Variants in SPAG9 observed in about 807,000 individuals in gnomAD.
SPAG9 encodes C-Jun-amino-terminal kinase-interacting protein 4.
In SPAG9, 35 loss-of-function variants were observed where a neutral mutation model predicts 166.5. That is an observed-to-expected ratio of 0.21 (90% CI 0.16 to 0.28). SPAG9 has a LOEUF of 0.28. Among genes scored for constraint, SPAG9 ranks in the 10% least tolerant of loss-of-function variants. SPAG9 has a pLI of 1.00. For synonymous variants in SPAG9, 534 were observed against 565.5 expected, an observed-to-expected ratio of 0.94 and a Z score of 0.79; for missense variants, 1,235 against 1,603.3, an observed-to-expected ratio of 0.77 and a Z score of 3.92.
chr17:51,023,751 A>G (rs567846786), intron 6 of SPAG9, among the ~76,000 whole-genome samples: 1 of 152,054 alleles, frequency 6.6e-6, no homozygotes, highest in South Asian at 2.1e-4. Context: ...TGCAACCTCC[A>G]CCTTCCAGGC....
Position 51,021,165 on chromosome 17 carries a change from T to C in SPAG9, c.984A>G (p.Val328=), listed in dbSNP as rs772410287. The change falls in exon 7 of 30, where the codon GTA becomes GTG. Residue 328 remains valine, a synonymous_variant. Coordinates refer to ENST00000262013, the MANE Select transcript of SPAG9 (RefSeq NM_001130528.3). ...AGAACTAGGGTCACTCACCAGTAGA[T>C]ACATTTCTAGTTTCCTGGGCTACCT... The part of the protein sequence containing the change: ...EVQVAQETRN[V]STGSAENEEK... 3 of 1,613,442 alleles carry C rather than the reference T, an allele frequency of 1.9e-6. No homozygotes were observed. Among genetic ancestry groups the C allele is most frequent in the East Asian group, 2.2e-5 (1 of 44,870 alleles).
At chr17:50,979,596 C>T (rs1392969377) in intron 26 of SPAG9, 150 bp downstream of exon 26, 3 of 652,750 alleles carry the variant, frequency 4.6e-6, no homozygotes, top group Non-Finnish European at 7.5e-6. Flanking sequence ...CCCAGGAGTT[C>T]AAGGCTATAG....
At chr17:51,103,643 T>C (rs997738516) in intron 1 of SPAG9, among the ~76,000 whole-genome samples, 2 of 152,170 alleles carry the variant, frequency 1.3e-5, no homozygotes, top group African/African-American at 2.4e-5. Flanking sequence ...AAAGAGCAAC[T>C]GGCCAGGCAC....
At chr17:51,117,194 T>C (rs889492435) in intron 1 of SPAG9, among the ~76,000 whole-genome samples, 1 of 152,152 alleles carries the variant, frequency 6.6e-6, no homozygotes, top group African/African-American at 2.4e-5. Flanking sequence ...AATATAAAGA[T>C]TAAATTTTTG....
At chr17:51,004,622 C>T (rs1411850625) in intron 12 of SPAG9, among the ~76,000 whole-genome samples, 3 of 151,958 alleles carry the variant, frequency 2.0e-5, no homozygotes, top group Non-Finnish European at 4.4e-5. Context: ...CCCAGCTCCT[C>T]GGGAGGCTGA....
rs140639125 is a variant in SPAG9, at chr17:51,051,392, G to A, written c.496-3923C>T. Among the ~76,000 whole-genome samples, 393 of 152,300 alleles carry A rather than the reference G, an allele frequency of 2.6e-3. 3 individuals are homozygous for A. The highest frequency in any genetic ancestry group is 8.5e-3 in the African/African-American group (352 of 41,570). ...CAAAGTGCTGGGATAACAGGCGTGA[G>A]CCACTGCACTCGGCCAAGGTGTTAG... On this transcript the variant is annotated intron_variant, in intron 3 of 29. Coordinates refer to ENST00000262013, the MANE Select transcript of SPAG9 (RefSeq NM_001130528.3).
chr17:51,046,591 T>G, intron 4 of SPAG9: 1 of 1,536,090 alleles, frequency 6.5e-7, no homozygotes, highest in East Asian at 2.4e-5. Context: ...GATACTAAGA[T>G]AGCAGAATTA....
At position 50,986,996 on chromosome 17, in the gene SPAG9, A is replaced by C. The variant is rs529804519; in HGVS notation, c.2939+116T>G. ...TAACATCAAATTGTGTGTATATATA[A>C]AATTCTTTGCATTAATCCACACTTT... On this transcript the variant is annotated intron_variant, in intron 22 of 29. Coordinates refer to ENST00000262013, the MANE Select transcript of SPAG9 (RefSeq NM_001130528.3). 19 of 1,008,932 alleles carry C rather than the reference A, an allele frequency of 1.9e-5. No homozygotes were observed. The African/African-American group carries it at 2.8e-4, about 15-fold the overall frequency. 62.5% of individuals were successfully genotyped at this position (1,008,932 alleles called of 1,614,324 possible).
intron 16 of SPAG9, 181 bp from the exon 17 acceptor site, chr17:50,995,714 T>C (rs1389587921): frequency 7.1e-6 from 4 of 566,016 alleles, no homozygotes; most frequent in Non-Finnish European, 1.2e-5. Flanking sequence ...CAGGCTAGAG[T>C]GCAGTGGCTT....
chr17:50,998,947 T>G (rs1310900339), intron 14 of SPAG9, among the ~76,000 whole-genome samples: 2 of 152,224 alleles, frequency 1.3e-5, no homozygotes, highest in African/African-American at 2.4e-5. Flanking sequence ...AGCTCCTACT[T>G]GGTGCAAGGT....
At chr17:51,028,701 G>A (rs1468315727) in intron 6 of SPAG9, among the ~76,000 whole-genome samples, 2 of 152,180 alleles carry the variant, frequency 1.3e-5, no homozygotes, top group Non-Finnish European at 2.9e-5. Context: ...AGCGACACAT[G>A]ACTATGTATG....
chr17:50,990,833 A>G (rs1975482894), intron 19 of SPAG9, 165 bp from the exon 20 acceptor site: 1 of 590,894 alleles, frequency 1.7e-6, no homozygotes, highest in Admixed American at 3.1e-5. Context: ...CAATATGGGA[A>G]GGTAACTTAA....
chr17:51,095,946 TATATATATAGTG>T (rs1196618600), intron 1 of SPAG9, among the ~76,000 whole-genome samples: 2 of 60,418 alleles, frequency 3.3e-5, no homozygotes, highest in African/African-American at 3.9e-4. Flanking sequence ...GTGATATAGT[TATATATATAGTG>T]ATATATATAT....
intron 5 of SPAG9, among the ~76,000 whole-genome samples, chr17:51,038,478 G>A (rs1370754521): frequency 6.6e-6 from 1 of 152,148 alleles, no homozygotes; most frequent in Non-Finnish European, 1.5e-5. Flanking sequence ...GCTACTAAAA[G>A]GTAAGATGAG....
chr17:50,986,249 G>A (rs1368277390), intron 22 of SPAG9, among the ~76,000 whole-genome samples: 2 of 152,128 alleles, frequency 1.3e-5, no homozygotes, highest in African/African-American at 4.8e-5. Context: ...GGAAATCAAG[G>A]GTATTTTACG....
rs187828505 is a variant in SPAG9 at position 51,102,962 on chromosome 17, G to T, written c.303+17392C>A. Among the ~76,000 whole-genome samples the T allele has an allele frequency of 7.0e-4, 106 of 152,128 alleles. 1 individual carries two copies. Among genetic ancestry groups the T allele is most frequent in the Admixed American group, 3.0e-3 (45 of 15,240 alleles). Reference sequence around the variant, plus strand: ...CAATACTTCTGAAAGTAATTCCAATGATCTTAACATTTAGATTTTTTAAAT... The same window carrying T: ...CAATACTTCTGAAAGTAATTCCAATTATCTTAACATTTAGATTTTTTAAAT... On this transcript the variant is annotated intron_variant, in intron 1 of 29. Transcript: ENST00000262013.
chr17:51,032,324 G>C (rs998673566), intron 5 of SPAG9, among the ~76,000 whole-genome samples: 1 of 151,984 alleles, frequency 6.6e-6, no homozygotes, highest in Non-Finnish European at 1.5e-5. Flanking sequence ...CACCATGCCT[G>C]GATAAATTTT....
intron 1 of SPAG9, among the ~76,000 whole-genome samples, chr17:51,105,361 A>G (rs1462860859): frequency 6.6e-6 from 1 of 152,200 alleles, no homozygotes; most frequent in Non-Finnish European, 1.5e-5. Context: ...CACTGCTGAG[A>G]CATCAAGTAT....
At chr17:50,986,393 A>G (rs574101060) in intron 22 of SPAG9, among the ~76,000 whole-genome samples, 15 of 152,322 alleles carry the variant, frequency 9.8e-5, no homozygotes, top group African/African-American at 3.6e-4. Context: ...AGGTTGAGTA[A>G]CCCTTATTTG....
Sources: gnomAD v4.1 joint callset for allele counts (sites outside exome capture counted in the v4.1 genomes callset) on GRCh38, gnomAD v4.1.1 for gene constraint, MANE v1.5 for transcripts, NCBI Gene and HGNC (gene_info 2026-07-23, HGNC 2026-07-21) for gene names.